LRCH1: variants seen among roughly 807,000 people sequenced by gnomAD.
LRCH1 encodes leucine rich repeats and calponin homology domain containing 1.
LRCH1 carries 23 observed loss-of-function variants against 94.9 expected under a neutral mutation model. That is an observed-to-expected ratio of 0.24 (90% confidence interval 0.17 to 0.34). LRCH1 has a LOEUF of 0.34. Among genes scored for constraint, LRCH1 ranks in the 10% least tolerant of loss-of-function variants. The pLI, the probability that LRCH1 is intolerant of heterozygous loss-of-function variation, is 1.00. For synonymous variants in LRCH1, 364 were observed against 354.9 expected, an observed-to-expected ratio of 1.03 and a Z score of -0.29; for missense variants, 790 against 945.9, an observed-to-expected ratio of 0.84 and a Z score of 2.16.
chr13:46,642,826 C>T (rs557025862), intron 1 of LRCH1, among the ~76,000 whole-genome samples: 4 of 152,168 alleles, frequency 2.6e-5, no homozygotes, highest in South Asian at 4.2e-4. Context: ...TTCCCATAGC[C>T]CAGTGGGAAT....
chr13:46,689,054 T>C, intron 6 of LRCH1, 79 bp from the exon 7 acceptor site: 3 of 1,115,634 alleles, frequency 2.7e-6, no homozygotes, highest in Non-Finnish European at 4.0e-6. Context: ...TATTAGAATA[T>C]AAATTGATGT....
At position 46,579,475 on chromosome 13, in the gene LRCH1, T is replaced by TTA. The variant is rs1434233264; in HGVS notation, c.307+25772_307+25773insTA. Among the ~76,000 whole-genome samples, 91 of 151,850 alleles carry TTA rather than the reference T, an allele frequency of 6.0e-4. 1 individual carries two copies. In the East Asian group the frequency reaches 0.017, roughly 28 times the overall value. ...TGGAATTTCTTTTCTTTTTTTTTTT[T>TTA]AACCATATATGCTAACTTTGTAGCT... On this transcript the variant is annotated intron_variant, in intron 1 of 19. Transcript: ENST00000389797.
intron 15 of LRCH1, among the ~76,000 whole-genome samples, chr13:46,713,199 C>T (rs1339609147): frequency 6.6e-6 from 1 of 152,164 alleles, no homozygotes; most frequent in Non-Finnish European, 1.5e-5. Flanking sequence ...AAAGAAAGTA[C>T]TCTGTATAGA....
chr13:46,608,370 G>T (rs1351929499), intron 1 of LRCH1, among the ~76,000 whole-genome samples: 1 of 152,190 alleles, frequency 6.6e-6, no homozygotes, highest in Admixed American at 6.5e-5. Flanking sequence ...AGTTTCCACT[G>T]ATGGTGCCAT....
At chr13:46,643,949 C>T (rs990590038) in intron 1 of LRCH1, among the ~76,000 whole-genome samples, 5 of 152,166 alleles carry the variant, frequency 3.3e-5, no homozygotes, top group African/African-American at 9.6e-5. Flanking sequence ...TGGGCTTATA[C>T]GAAGACCATG....
chr13:46,595,514 T>C (rs1425746977), intron 1 of LRCH1, among the ~76,000 whole-genome samples: 1 of 152,246 alleles, frequency 6.6e-6, no homozygotes, highest in Non-Finnish European at 1.5e-5. Flanking sequence ...CTTTTGTAGC[T>C]CTCCTAGGTT....
chr13:46,720,729 A>T (rs1357493426), intron 16 of LRCH1, among the ~76,000 whole-genome samples: 1 of 152,214 alleles, frequency 6.6e-6, no homozygotes, highest in Non-Finnish European at 1.5e-5. Context: ...AGAAAAGAAA[A>T]AACTGTAGGT....
At chr13:46,687,257 C>T (rs1870669347) in intron 5 of LRCH1, among the ~76,000 whole-genome samples, 1 of 152,126 alleles carries the variant, frequency 6.6e-6, no homozygotes, top group South Asian at 2.1e-4. Context: ...CTGCTCCCAA[C>T]CATATATTCC....
intron 17 of LRCH1, among the ~76,000 whole-genome samples, chr13:46,726,422 C>G (rs1023113492): frequency 6.6e-6 from 1 of 152,170 alleles, no homozygotes; most frequent in Non-Finnish European, 1.5e-5. Flanking sequence ...TCGGCACAGA[C>G]TTTAGAAAAA....
intron 18 of LRCH1, among the ~76,000 whole-genome samples, chr13:46,750,199 A>G (rs1195678544): frequency 6.6e-6 from 1 of 152,238 alleles, no homozygotes; most frequent in Non-Finnish European, 1.5e-5. Flanking sequence ...GTTTTGCTTT[A>G]TAAAAATAGA....
chr13:46,622,550 T>G (rs1325740833), intron 1 of LRCH1, among the ~76,000 whole-genome samples: 3 of 152,230 alleles, frequency 2.0e-5, no homozygotes, highest in East Asian at 1.9e-4. Context: ...CTCACTCTTT[T>G]CCTGCTTCCA....
chr13:46,613,346 C>T (rs1271065891), intron 1 of LRCH1, among the ~76,000 whole-genome samples: 3 of 151,248 alleles, frequency 2.0e-5, no homozygotes, highest in East Asian at 1.9e-4. Flanking sequence ...GCCAAGATTG[C>T]GGCTGCACTC....
At position 46,689,213 on chromosome 13, in the gene LRCH1, G is replaced by C; in HGVS notation, c.1014+17G>C. On this transcript the variant is annotated intron_variant, in intron 7 of 19. Coordinates refer to ENST00000389797, the MANE Select transcript of LRCH1 (RefSeq NM_001164211.2). Reference sequence around the variant, plus strand: ...GCCACCGAGGTAAAGTTAGTGATCAGATTCTTTTCCTTCTGTACTTCTAGA... The same window carrying C: ...GCCACCGAGGTAAAGTTAGTGATCACATTCTTTTCCTTCTGTACTTCTAGA... The C allele has an allele frequency of 6.2e-7, 1 of 1,604,218 alleles. No individual in the cohort carries two copies. Among genetic ancestry groups the C allele is most frequent in the Non-Finnish European group, 8.5e-7 (1 of 1,172,614 alleles).
intron 16 of LRCH1, among the ~76,000 whole-genome samples, chr13:46,720,509 A>C (rs1489676791): frequency 6.6e-6 from 1 of 151,306 alleles, no homozygotes; most frequent in Non-Finnish European, 1.5e-5. Context: ...GGAGCATTTG[A>C]CTTGAAAAAT....
Position 46,705,505 on chromosome 13 carries a change from G to C in LRCH1, c.1527+201G>C, listed in dbSNP as rs978134317. 5.7e-6 allele frequency: 4 copies of C among 698,862 alleles called. No homozygotes were observed. The South Asian group carries it at 6.0e-5, about 10-fold the overall frequency. 43.3% of individuals were successfully genotyped at this position (698,862 alleles called of 1,614,324 possible). ...GCTTTTCTGCTATACCTCACCCTCTGTTGAAGATGAGAGTTGGCTATTTCT... is the reference window on the plus strand; with the variant it reads ...GCTTTTCTGCTATACCTCACCCTCTCTTGAAGATGAGAGTTGGCTATTTCT... On this transcript the variant is annotated intron_variant, in intron 13 of 19. Transcript: ENST00000389797.
In LRCH1 at chr13:46,697,369, CTTAT is replaced by C. The variant is rs147901818; in HGVS notation, c.1246-1963_1246-1960del. Among the ~76,000 whole-genome samples, 243 of 152,224 alleles carry C rather than the reference CTTAT, an allele frequency of 1.6e-3. 3 individuals carry two copies. Among genetic ancestry groups the C allele is most frequent in the East Asian group, 2.3e-3 (12 of 5,180 alleles). ...GTTTTGATGAACATTACAACCATACCTTATTTAACATATATTGATTGATGAACAT... is the reference window on the plus strand; with the variant it reads ...GTTTTGATGAACATTACAACCATACCTTAACATATATTGATTGATGAACAT... On this transcript the variant is annotated intron_variant, in intron 9 of 19. Transcript: ENST00000389797.
chr13:46,688,161 T>G (rs1593353241), intron 6 of LRCH1, among the ~76,000 whole-genome samples, 182 bp downstream of exon 6: 1 of 152,204 alleles, frequency 6.6e-6, no homozygotes, highest in African/African-American at 2.4e-5. Flanking sequence ...GAGAAACTAT[T>G]GGGATATGAA....
chr13:46,732,843 C>T (rs1024674264), intron 18 of LRCH1, among the ~76,000 whole-genome samples: 13 of 152,208 alleles, frequency 8.5e-5, no homozygotes. Flanking sequence ...GGCAAAACCA[C>T]CGAAGCAGCT....
intron 13 of LRCH1, among the ~76,000 whole-genome samples, chr13:46,706,665 C>CT (rs1295943199): frequency 6.6e-6 from 1 of 152,118 alleles, no homozygotes; most frequent in African/African-American, 2.4e-5. Context: ...TCAAGCGATA[C>CT]TTCCTCCTTA....
Sources: allele counts gnomAD v4.1 joint callset (sites outside exome capture counted in the v4.1 genomes callset), GRCh38; gene constraint gnomAD v4.1.1; transcripts MANE v1.5; gene names NCBI Gene and HGNC (gene_info 2026-07-23, HGNC 2026-07-21).